Variants in DTNA observed in about 807,000 individuals in gnomAD.
DTNA encodes the protein dystrophin-related protein 3.
A neutral mutation model predicts 100.7 loss-of-function variants in DTNA; 43 were observed. The observed-to-expected ratio is 0.43, with a 90% CI of 0.33 to 0.55. The LOEUF (loss-of-function observed/expected upper bound fraction) is 0.55. Among genes scored for constraint, DTNA ranks in the 20% least tolerant of loss-of-function variants. The pLI, the probability that DTNA is intolerant of heterozygous loss-of-function variation, is 0.04. For synonymous variants in DTNA, 349 were observed against 347.9 expected, an observed-to-expected ratio of 1.00 and a Z score of -0.04; for missense variants, 798 against 953.9, an observed-to-expected ratio of 0.84 and a Z score of 2.15.
intron 1 of DTNA, among the ~76,000 whole-genome samples, chr18:34,711,201 C>T (rs574143571): frequency 1.3e-5 from 2 of 152,094 alleles, no homozygotes; most frequent in Non-Finnish European, 1.5e-5. Context: ...AGAGCGCAGA[C>T]GCCTTCTCAT....
intron 22 of DTNA, among the ~76,000 whole-genome samples, chr18:34,885,536 T>A (rs1312315662): frequency 6.6e-6 from 1 of 152,078 alleles, no homozygotes; most frequent in African/African-American, 2.4e-5. Flanking sequence ...TTTCACCAAA[T>A]CCTAACAGCA....
chr18:34,876,708 A>T (rs903904762), intron 18 of DTNA, among the ~76,000 whole-genome samples: 2 of 152,190 alleles, frequency 1.3e-5, no homozygotes, highest in African/African-American at 4.8e-5. Flanking sequence ...TCAATGAGAG[A>T]GAATGATGAA....
chr18:34,664,549 A>G (rs977577161), intron 1 of DTNA, among the ~76,000 whole-genome samples: 7 of 152,096 alleles, frequency 4.6e-5, no homozygotes, highest in Non-Finnish European at 8.8e-5. Context: ...TACAATGTCC[A>G]TATGTCTTGT....
chr18:34,692,864 T>C (rs1386878165), intron 1 of DTNA, among the ~76,000 whole-genome samples: 1 of 150,250 alleles, frequency 6.7e-6, no homozygotes, highest in African/African-American at 2.5e-5. Context: ...TCTGTCTCTC[T>C]TTCTTTTTTC....
chr18:34,749,214 T>C (rs1206242226), intron 1 of DTNA, among the ~76,000 whole-genome samples: 6 of 152,134 alleles, frequency 3.9e-5, no homozygotes. Flanking sequence ...CTAGGAGCTT[T>C]TTGGACTAGT....
Position 34,794,204 on chromosome 18 carries a change from C to G in DTNA, c.316C>G (p.Gln106Glu), listed in dbSNP as rs140768365. 341 of 1,614,176 alleles carry G rather than the reference C, an allele frequency of 2.1e-4. 1 individual carries two copies. The highest frequency in any genetic ancestry group is 2.7e-4 in the Non-Finnish European group (316 of 1,180,010). ...AACCACTCACCAAATCCATGTGGAGCAGTCCATCAGCCTCCTCCTTAACTT... is the reference window on the plus strand; with the variant it reads ...AACCACTCACCAAATCCATGTGGAGGAGTCCATCAGCCTCCTCCTTAACTT... ...MPTTHQIHVE[Q>E]SISLLLNFLL... The change falls in exon 4 of 23, where the codon CAG becomes GAG. Residue 106 changes from glutamine to glutamate, a missense_variant. By Grantham distance (29) the Gln-to-Glu change is conservative. Transcript: ENST00000444659.
At chr18:34,601,950 G>A (rs140750547) in intron 1 of DTNA, among the ~76,000 whole-genome samples, 4 of 152,304 alleles carry the variant, frequency 2.6e-5, no homozygotes, top group African/African-American at 9.6e-5. Flanking sequence ...CTGCTCATAT[G>A]TAGTACAGAA....
At chr18:34,547,733 A>G (rs1172713936) in intron 1 of DTNA, among the ~76,000 whole-genome samples, 23 of 152,192 alleles carry the variant, frequency 1.5e-4, no homozygotes, top group Admixed American at 1.4e-3. Context: ...CAAATTCAAC[A>G]TTTGAAAATC....
At chr18:34,733,868 TAAAC>T (rs1197293054) in intron 1 of DTNA, among the ~76,000 whole-genome samples, 1 of 152,134 alleles carries the variant, frequency 6.6e-6, no homozygotes, top group Non-Finnish European at 1.5e-5. Context: ...ACCAAGCAAA[TAAAC>T]TATTAGAATA....
chr18:34,869,973 A>T (rs564994553), intron 17 of DTNA, among the ~76,000 whole-genome samples: 17 of 152,346 alleles, frequency 1.1e-4, no homozygotes, highest in Non-Finnish European at 2.1e-4. Context: ...GTGAGCTGAG[A>T]TCGTGCCACT....
chr18:34,795,543 C>T lies in DTNA; in HGVS notation c.362+1293C>T, dbSNP rs531181683. ...GGTTCCACATGACAGGCAGCAGAGG[C>T]AGCAGAATGGAACCTGGCCATGGCA... is the stretch of plus-strand genomic sequence containing the variant. On this transcript the variant is annotated intron_variant, in intron 4 of 22. Coordinates refer to ENST00000444659, the MANE Select transcript of DTNA (RefSeq NM_001386795.1). 1.8e-4 allele frequency among the ~76,000 whole-genome samples: 28 copies of T among 152,286 alleles called. No homozygotes were observed. In the East Asian group the frequency reaches 4.6e-3, roughly 25 times the overall value.
At chr18:34,678,363 C>T (rs1398265046) in intron 1 of DTNA, among the ~76,000 whole-genome samples, 1 of 152,146 alleles carries the variant, frequency 6.6e-6, no homozygotes, top group South Asian at 2.1e-4. Context: ...TTTTAGATAA[C>T]CTGGGTTGGG....
At chr18:34,774,512 A>C (rs1290715763) in intron 3 of DTNA, among the ~76,000 whole-genome samples, 2 of 152,216 alleles carry the variant, frequency 1.3e-5, no homozygotes, top group African/African-American at 2.4e-5. Flanking sequence ...GTTATTAGCA[A>C]TCACTCATTT....
At chr18:34,712,380 T>A (rs555623222) in intron 1 of DTNA, among the ~76,000 whole-genome samples, 122 of 152,188 alleles carry the variant, frequency 8.0e-4, no homozygotes, top group African/African-American at 2.9e-3. Flanking sequence ...AGATAGTTCC[T>A]TTCTATTAAA....
intron 1 of DTNA, among the ~76,000 whole-genome samples, chr18:34,529,288 AATTG>A (rs1163187480): frequency 3.9e-5 from 6 of 152,156 alleles, no homozygotes; most frequent in Non-Finnish European, 7.4e-5. Context: ...TTATTAGAAT[AATTG>A]ATTCATTCAT....
chr18:34,582,491 C>T (rs545360516), intron 1 of DTNA, among the ~76,000 whole-genome samples: 40 of 152,236 alleles, frequency 2.6e-4, no homozygotes, highest in African/African-American at 7.9e-4. Context: ...GCAAGGCCCT[C>T]TAACGAGTGA....
At position 34,848,347 on chromosome 18, in the gene DTNA, G is replaced by A; in HGVS notation, c.1398G>A (p.Arg466=). 1 of 1,614,074 alleles carries A rather than the reference G, an allele frequency of 6.2e-7. No homozygotes were observed. The highest frequency in any genetic ancestry group is 2.2e-5 in the East Asian group (1 of 44,884). ...RLDEEHRLIA[R]YAARLAAESS... ...ATGAAGAACACAGGCTAATTGCCAG[G>A]TATGCGGCAAGGCTGGCAGCAGAGT... Residue 466 remains arginine (R), a synonymous_variant, in exon 14 of 23, where the codon AGG becomes AGA. Coordinates refer to ENST00000444659, the MANE Select transcript of DTNA (RefSeq NM_001386795.1).
chr18:34,841,953 A>G (rs2096276710), intron 13 of DTNA, among the ~76,000 whole-genome samples: 1 of 152,186 alleles, frequency 6.6e-6, no homozygotes, highest in Admixed American at 6.6e-5. Context: ...CAGATAAGTC[A>G]AATAAATAAA....
In DTNA at chr18:34,741,149, A is replaced by C. The variant is rs1388121289; in HGVS notation, c.-1-14827A>C. On this transcript the variant is annotated intron_variant, in intron 1 of 22. Coordinates refer to ENST00000444659, the MANE Select transcript of DTNA (RefSeq NM_001386795.1). The stretch of plus-strand genomic sequence containing the variant: ...AAGAATAACATAACATAATAAAAGG[A>C]TGTGATATTTTAATTAGGTTAATGT... 4.6e-5 allele frequency among the ~76,000 whole-genome samples: 7 copies of C among 152,322 alleles called. No individual in the cohort carries two copies. The South Asian group carries it at 1.4e-3, about 32-fold the overall frequency.
Sources: gnomAD v4.1 joint callset for allele counts (sites outside exome capture counted in the v4.1 genomes callset) on GRCh38, gnomAD v4.1.1 for gene constraint, MANE v1.5 for transcripts, NCBI Gene and HGNC (gene_info 2026-07-23, HGNC 2026-07-21) for gene names.